The following SYN3 variants were observed in gnomAD, a reference collection of about 807,000 sequenced individuals.
The protein encoded by SYN3 is synapsin III, also known as synapsin-3.
In SYN3, 35 loss-of-function variants were observed where a neutral mutation model predicts 65.8. The observed-to-expected ratio is 0.53, with a 90% confidence interval of 0.41 to 0.70. The LOEUF (loss-of-function observed/expected upper bound fraction) is 0.70, where lower values mean the gene tolerates loss of function less well. Among genes scored for constraint, SYN3 ranks in the 30% least tolerant of loss-of-function variants. The pLI is 0.00. For synonymous variants in SYN3, 270 were observed against 292.9 expected (o/e 0.92, Z 0.80); for missense variants, 680 against 749.0 (o/e 0.91, Z 1.08).
chr22:32,569,591 AATCT>A (rs61385665), intron 7 of SYN3, among the ~76,000 whole-genome samples: 43,478 of 147,956 alleles, frequency 0.29, 7,046 homozygotes, highest in East Asian at 0.52. Context: ...ATATATATAA[AATCT>A]ATCTATTTCT....
intron 7 of SYN3, among the ~76,000 whole-genome samples, chr22:32,578,585 G>T (rs1229650732): frequency 2.0e-5 from 3 of 152,074 alleles, no homozygotes; most frequent in African/African-American, 7.2e-5. Context: ...TTTGAAATTG[G>T]TCATCAAATC....
At chr22:32,667,768 C>A (rs2060308405) in intron 6 of SYN3, among the ~76,000 whole-genome samples, 1 of 151,252 alleles carries the variant, frequency 6.6e-6, no homozygotes, top group East Asian at 1.9e-4. Flanking sequence ...GGAAGGCTTC[C>A]AAGAGGAGAT....
At chr22:32,742,230 C>T (rs1401914916) in intron 6 of SYN3, among the ~76,000 whole-genome samples, 5 of 152,026 alleles carry the variant, frequency 3.3e-5, no homozygotes, top group South Asian at 2.1e-4. Flanking sequence ...GAGCCAAGAT[C>T]GCACCACTGC....
chr22:32,903,233 T>C (rs1401577114), intron 4 of SYN3, among the ~76,000 whole-genome samples: 1 of 152,134 alleles, frequency 6.6e-6, no homozygotes, highest in Non-Finnish European at 1.5e-5. Context: ...TTGCTATAAT[T>C]ATCTCTTCAT....
chr22:32,951,686 C>T (rs1234457848), intron 3 of SYN3, among the ~76,000 whole-genome samples: 1 of 152,192 alleles, frequency 6.6e-6, no homozygotes, highest in African/African-American at 2.4e-5. Context: ...GGACCCATAC[C>T]CAGGCCAACA....
At chr22:32,663,915 G>C (rs1025671979) in intron 6 of SYN3, among the ~76,000 whole-genome samples, 1 of 146,902 alleles carries the variant, frequency 6.8e-6, no homozygotes, top group Non-Finnish European at 1.5e-5. Context: ...TTTATATTTA[G>C]TATCTTTAAC....
intron 4 of SYN3, among the ~76,000 whole-genome samples, chr22:32,919,044 C>T (rs762940435): frequency 5.9e-5 from 9 of 152,136 alleles, no homozygotes; most frequent in Non-Finnish European, 1.2e-4. Context: ...GGGAGAGAAG[C>T]GGGCACAGAA....
chr22:32,842,640 A>G (rs1264974397), intron 6 of SYN3, among the ~76,000 whole-genome samples: 1 of 152,154 alleles, frequency 6.6e-6, no homozygotes, highest in Admixed American at 6.5e-5. Context: ...GTACATATAC[A>G]TTGTCTCATT....
chr22:32,530,235 G>A (rs562180139), intron 10 of SYN3: 1 of 152,204 alleles, frequency 6.6e-6, no homozygotes, highest in African/African-American at 2.4e-5. Context: ...ATAAGGATAA[G>A]GATACTAAGA....
intron 12 of SYN3, among the ~76,000 whole-genome samples, chr22:32,521,648 A>G (rs1439994412): frequency 1.3e-5 from 2 of 151,816 alleles, no homozygotes; most frequent in African/African-American, 4.8e-5. Flanking sequence ...GGGTTTCCCC[A>G]TATTGGCCAG....
At chr22:32,710,645 A>AAAAAAAAAAAAAG (rs1555931894) in intron 6 of SYN3, among the ~76,000 whole-genome samples, 108 of 126,780 alleles carry the variant, frequency 8.5e-4, no homozygotes, top group African/African-American at 2.8e-3. Flanking sequence ...AAAAAAAAAA[A>AAAAAAAAAAAAAG]AAAGAAAGAA....
chr22:32,924,537 C>T (rs185887275), intron 4 of SYN3, among the ~76,000 whole-genome samples: 2 of 152,338 alleles, frequency 1.3e-5, no homozygotes, highest in East Asian at 3.9e-4. Flanking sequence ...GCTGCTCAAA[C>T]TGAACCTGCA....
chr22:32,882,028 C>T (rs1381569007), intron 4 of SYN3, among the ~76,000 whole-genome samples: 1 of 150,812 alleles, frequency 6.6e-6, no homozygotes, highest in African/African-American at 2.4e-5. Context: ...GCACTCCAGC[C>T]TGGCGACAGA....
At position 32,723,835 on chromosome 22, in the gene SYN3, G is replaced by A. The variant is rs536406645; in HGVS notation, c.712-127099C>T. ...CCGGCTGCCGCCTGGATCCTTGCCGGAGGCCCCAGGGATAGGGGAGCTGTA... is the reference window on the plus strand; with the variant it reads ...CCGGCTGCCGCCTGGATCCTTGCCGAAGGCCCCAGGGATAGGGGAGCTGTA... On this transcript the variant is annotated intron_variant, in intron 6 of 13. Coordinates refer to ENST00000358763, the MANE Select transcript of SYN3 (RefSeq NM_003490.4). Among the ~76,000 whole-genome samples the A allele has an allele frequency of 1.1e-3, 163 of 152,370 alleles. 3 individuals are homozygous for A. The South Asian group carries it at 0.015, about 14-fold the overall frequency.
intron 6 of SYN3, among the ~76,000 whole-genome samples, chr22:32,787,841 G>A (rs130556): frequency 0.77 from 117,314 of 152,044 alleles, 45,774 homozygotes; most frequent in East Asian, 0.93. Flanking sequence ...TGAGCTGGAA[G>A]CTGCAGAATT....
At chr22:32,513,944 C>A (rs1054596236) in intron 13 of SYN3, 120 bp from the exon 14 acceptor site, 1 of 1,286,990 alleles carries the variant, frequency 7.8e-7, no homozygotes, top group Admixed American at 2.4e-5. Context: ...TTATGAAGAC[C>A]AGAAACCAGG....
At chr22:32,768,740 T>C (rs989439531) in intron 6 of SYN3, among the ~76,000 whole-genome samples, 2 of 152,236 alleles carry the variant, frequency 1.3e-5, no homozygotes, top group Non-Finnish European at 2.9e-5. Flanking sequence ...TAGTACTTCC[T>C]GAGCCCATTC....
Position 32,859,285 on chromosome 22 carries a change from T to C in SYN3, c.711+5630A>G. The C allele has an allele frequency of 1.9e-6, 3 of 1,614,162 alleles. No homozygotes were observed. The South Asian group carries it at 3.3e-5, about 18-fold the overall frequency. On this transcript the variant is annotated intron_variant, in intron 6 of 13. Transcript: ENST00000358763. ...TTACCCTGGCTACCAGTCCAAACAC[T>C]ACGCCTGCATCCGGCAGAAGGGCGG...
In SYN3 at chr22:32,533,863, A is replaced by G. The variant is rs1173993410; in HGVS notation, c.1025T>C (p.Met342Thr). 6.2e-7 allele frequency: 1 copy of G among 1,613,748 alleles called. No individual in the cohort carries two copies. Among genetic ancestry groups the G allele is most frequent in the Admixed American group, 1.7e-5 (1 of 59,998 alleles). The part of the protein sequence containing the change: ...YRLWVDSCSE[M>T]FGGLDICAVK... ...GGCACAGATGTCCAGGCCGCCAAAC[A>G]TTTCCGAGCAGCTGTCCACCCACAG... Residue 342 changes from methionine (M) to threonine (T), a missense_variant, in exon 10 of 14, where the codon ATG becomes ACG. Transcript: ENST00000358763.
Sources: allele counts gnomAD v4.1 joint callset (sites outside exome capture counted in the v4.1 genomes callset), GRCh38; gene constraint gnomAD v4.1.1; transcripts MANE v1.5; gene names NCBI Gene and HGNC (gene_info 2026-07-23, HGNC 2026-07-21).